GSTM1: variants seen among roughly 807,000 people sequenced by gnomAD.
The protein encoded by GSTM1 is GST HB subunit 4.
Under a neutral mutation model 17.3 loss-of-function variants are expected in GSTM1, and 6 were observed. The ratio of observed to expected loss-of-function variants is 0.35; its 90% CI spans 0.19 to 0.68. The LOEUF (loss-of-function observed/expected upper bound fraction) is 0.68. GSTM1 is among the 30% of genes least tolerant of loss of function. GSTM1 has a pLI of 0.65. For missense variants in GSTM1, 62 were observed against 155.9 expected (o/e 0.40, Z 3.21); for synonymous variants, 20 against 53.6 (o/e 0.37, Z 2.74).
rs1648111204 is a variant in GSTM1, at chr1:109,692,074, T to G, written c.568-1132T>G. Among the ~76,000 whole-genome samples the G allele has an allele frequency of 5.8e-5, 4 of 68,892 alleles. 2 individuals carry two copies. In the South Asian group the frequency reaches 1.9e-3, roughly 32 times the overall value. The allele number at this position is 68,892 out of a possible 152,430, so 45.2% of individuals were successfully genotyped here. On this transcript the variant is annotated intron_variant, in intron 7 of 7. Coordinates refer to ENST00000309851, the MANE Select transcript of GSTM1 (RefSeq NM_000561.4). Reference sequence around the variant, plus strand: ...GTCCTGGATCTTTTTTTTTTTTTTTTTTTTGAGATCGTGTCTTGCTGTTGC... The same window carrying G: ...GTCCTGGATCTTTTTTTTTTTTTTTGTTTTGAGATCGTGTCTTGCTGTTGC...
chr1:109,690,546 CT>C lies in GSTM1; in HGVS notation c.551del (p.Phe184SerfsTer15). The C allele has an allele frequency of 9.8e-7, 1 of 1,019,966 alleles. No individual in the cohort carries two copies. The highest frequency in any genetic ancestry group is 1.4e-6 in the Non-Finnish European group (1 of 739,060). The allele number at this position is 1,019,966 out of a possible 1,614,324, so 63.2% of individuals were successfully genotyped here. A position where few individuals can be genotyped will look rare whatever the true frequency, so the allele number is the denominator to read the frequency against. On this transcript the variant is annotated frameshift_variant, in exon 7 of 8. Coordinates refer to ENST00000309851, the MANE Select transcript of GSTM1 (RefSeq NM_000561.4). LOFTEE classifies it high-confidence loss of function. ...TGGACGCCTTCCCAAATCTGAAGGA[CT>C]TCATCTCCCGCTTTGAGGTGATGCC... ...CLDAFPNLKD[F>X]ISRFEGLEKI...
In GSTM1 at chr1:109,689,026, C is replaced by T. The variant is rs763046321; in HGVS notation, c.178-22C>T. On this transcript the variant is annotated intron_variant, in intron 3 of 7. Transcript: ENST00000309851. ...GGAGCCTGGTGGCCCAACTGAGCTTCGCCGGTTTCCCATCCATCCAGCTGC... is the reference window on the plus strand; with the variant it reads ...GGAGCCTGGTGGCCCAACTGAGCTTTGCCGGTTTCCCATCCATCCAGCTGC... The T allele has an allele frequency of 1.1e-5, 9 of 793,864 alleles. 2 individuals are homozygous for T. The highest frequency in any genetic ancestry group is 9.9e-5 in the East Asian group (2 of 20,150). The allele number at this position is 793,864 out of a possible 1,614,324, so 49.2% of individuals were successfully genotyped here. A position where few individuals can be genotyped will look rare whatever the true frequency, so the allele number is the denominator to read the frequency against.
At position 109,689,663 on chromosome 1, in the gene GSTM1, T is replaced by C. The variant is rs1461118137; in HGVS notation, c.360+338T>C. On this transcript the variant is annotated intron_variant, in intron 5 of 7. Transcript: ENST00000309851. ...ACATCACCTGCCTGCTCCTAGAATA[T>C]GCAGACTCAAGTAGAAGACTCAGGA... 2.6e-5 allele frequency among the ~76,000 whole-genome samples: 2 copies of C among 78,284 alleles called. 1 individual carries two copies. The highest frequency in any genetic ancestry group is 7.3e-5 in the African/African-American group (2 of 27,364). 51.4% of individuals were successfully genotyped at this position (78,284 alleles called of 152,430 possible). A position where few individuals can be genotyped will look rare whatever the true frequency, so the allele number is the denominator to read the frequency against.
intron 5 of GSTM1, among the ~76,000 whole-genome samples, chr1:109,689,852 TGG>T (rs56303120): frequency 0.1 from 8,290 of 79,928 alleles, 3,157 homozygotes; most frequent in African/African-American, 0.13. Flanking sequence ...CTCATCTCCC[TGG>T]AAACTAGTCA....
At position 109,691,565 on chromosome 1, in the gene GSTM1, T is replaced by G. The variant is rs1398156764; in HGVS notation, c.567+1001T>G. Reference sequence around the variant, plus strand: ...CCTCCAGTGTTCCACGTGTTCCCCCTGTGAGATGAGTAGCATGCTGATTTT... The same window carrying G: ...CCTCCAGTGTTCCACGTGTTCCCCCGGTGAGATGAGTAGCATGCTGATTTT... On this transcript the variant is annotated intron_variant, in intron 7 of 7. Transcript: ENST00000309851. Among the ~76,000 whole-genome samples the G allele has an allele frequency of 4.9e-5, 4 of 80,814 alleles. 2 individuals carry two copies. The highest frequency in any genetic ancestry group is 1.4e-4 in the African/African-American group (4 of 28,384). The allele number at this position is 80,814 out of a possible 152,430, so 53.0% of individuals were successfully genotyped here.
rs1648043582 is a variant in GSTM1 at position 109,689,305 on chromosome 1, A to G, written c.340A>G (p.Ile114Val). The change falls in exon 5 of 8, where the codon ATC becomes GTC. Residue 114 changes from isoleucine (I) to valine (V), a missense_variant. Ile to Val is a conservative substitution (Grantham distance 29, BLOSUM62 3). Coordinates refer to ENST00000309851, the MANE Select transcript of GSTM1 (RefSeq NM_000561.4). Reference sequence around the variant, plus strand: ...GGACAACCATATGCAGCTGGGCATGATCTGCTACAATCCAGAATTTGTGAG... The same window carrying G: ...GGACAACCATATGCAGCTGGGCATGGTCTGCTACAATCCAGAATTTGTGAG... ...TMDNHMQLGM[I>V]CYNPEFEKLK... 2.6e-6 allele frequency: 2 copies of G among 781,952 alleles called. 1 individual carries two copies. Among genetic ancestry groups the G allele is most frequent in the Non-Finnish European group, 3.7e-6 (2 of 541,238 alleles). 48.4% of individuals were successfully genotyped at this position (781,952 alleles called of 1,614,324 possible).
chr1:109,690,082 G>A lies in GSTM1; in HGVS notation c.361-189G>A, dbSNP rs1340510857. On this transcript the variant is annotated intron_variant, in intron 5 of 7. Coordinates refer to ENST00000309851, the MANE Select transcript of GSTM1 (RefSeq NM_000561.4). ...TCTGCCTTCTGATCAGTTTAGATAG[G>A]GTCTGGCACTCAGTCAGAGTCTAAT... 2.5e-5 allele frequency among the ~76,000 whole-genome samples: 2 copies of A among 81,332 alleles called. 1 individual carries two copies. The highest frequency in any genetic ancestry group is 7.0e-5 in the African/African-American group (2 of 28,582). The allele number at this position is 81,332 out of a possible 152,430, so 53.4% of individuals were successfully genotyped here. A position where few individuals can be genotyped will look rare whatever the true frequency, so the allele number is the denominator to read the frequency against.
At position 109,690,197 on chromosome 1, in the gene GSTM1, C is replaced by T. The variant is rs1188947924; in HGVS notation, c.361-74C>T. The stretch of plus-strand genomic sequence containing the variant: ...CTTGCCCATGGCCAGCCTGGGCCGT[C>T]CACAGCCCCGGGGAGGCCACGTCTG... On this transcript the variant is annotated intron_variant, in intron 5 of 7. Coordinates refer to ENST00000309851, the MANE Select transcript of GSTM1 (RefSeq NM_000561.4). 94 of 541,340 alleles carry T rather than the reference C, an allele frequency of 1.7e-4. 30 individuals carry two copies. The highest frequency in any genetic ancestry group is 2.6e-4 in the Non-Finnish European group (86 of 324,686). 33.5% of individuals were successfully genotyped at this position (541,340 alleles called of 1,614,324 possible).
At position 109,690,126 on chromosome 1, in the gene GSTM1, T is replaced by C. The variant is rs879522875; in HGVS notation, c.361-145T>C. 30 of 342,494 alleles carry C rather than the reference T, an allele frequency of 8.8e-5. 12 individuals carry two copies. The highest frequency in any genetic ancestry group is 2.7e-4 in the Admixed American group (6 of 22,312). 21.2% of individuals were successfully genotyped at this position (342,494 alleles called of 1,614,324 possible). A position where few individuals can be genotyped will look rare whatever the true frequency, so the allele number is the denominator to read the frequency against. On this transcript the variant is annotated intron_variant, in intron 5 of 7. Coordinates refer to ENST00000309851, the MANE Select transcript of GSTM1 (RefSeq NM_000561.4). Reference sequence around the variant, plus strand: ...GTCTAATAAATGCTGATGTATCCAATTGAAGCCTGGGCACTGCCCCAGTTC... The same window carrying C: ...GTCTAATAAATGCTGATGTATCCAACTGAAGCCTGGGCACTGCCCCAGTTC...
Position 109,688,883 on chromosome 1 carries a change from G to A in GSTM1, c.177+146G>A. The A allele has an allele frequency of 1.2e-5, 6 of 491,706 alleles. 2 individuals carry two copies. The highest frequency in any genetic ancestry group is 2.1e-5 in the Non-Finnish European group (6 of 281,982). 30.5% of individuals were successfully genotyped at this position (491,706 alleles called of 1,614,324 possible). ...GCTGTCTAAACAGTCCTTCCATGAT[G>A]TTCTGTGTCCACCTGCATTCGTTCA... On this transcript the variant is annotated intron_variant, in intron 3 of 7. Transcript: ENST00000309851.
intron 7 of GSTM1, among the ~76,000 whole-genome samples, chr1:109,692,137 C>T (rs1648113208): frequency 1.4e-5 from 1 of 70,348 alleles, no homozygotes; most frequent in Admixed American, 1.6e-4. Flanking sequence ...CGGCTTACTG[C>T]AACCTCTGCC....
chr1:109,688,134 C>A, intron 1 of GSTM1, 36 bp from the exon 2 acceptor site: 1 of 797,492 alleles, frequency 1.3e-6, no homozygotes, highest in Non-Finnish European at 1.8e-6. Flanking sequence ...CAGGGACCCT[C>A]CATCTCTGAC....
Position 109,688,383 on chromosome 1 carries a change from G to T in GSTM1, c.112+138G>T, listed in dbSNP as rs372210460. The stretch of plus-strand genomic sequence containing the variant: ...CTGTCTCTTCCCTGAGCCCCGGTGA[G>T]GGAGCCCTCTGGCCTTGCAAGGCAG... On this transcript the variant is annotated intron_variant, in intron 2 of 7. Transcript: ENST00000309851. 9.8e-6 allele frequency: 5 copies of T among 511,122 alleles called. 2 individuals are homozygous for T. The highest frequency in any genetic ancestry group is 1.1e-4 in the East Asian group (2 of 17,822). 31.7% of individuals were successfully genotyped at this position (511,122 alleles called of 1,614,324 possible). A position where few individuals can be genotyped will look rare whatever the true frequency, so the allele number is the denominator to read the frequency against.
intron 7 of GSTM1, 96 bp downstream of exon 7, chr1:109,690,660 G>T: frequency 1.3e-6 from 1 of 775,344 alleles, no homozygotes; most frequent in South Asian, 1.9e-5. Context: ...AGAATAACTC[G>T]CATGTATTGA....
chr1:109,688,680 T>C lies in GSTM1; in HGVS notation c.120T>C (p.Asp40=), dbSNP rs72549311. 1.0e-4 allele frequency: 80 copies of C among 794,330 alleles called. 28 individuals carry two copies. Among genetic ancestry groups the C allele is most frequent in the South Asian group, 8.3e-4 (45 of 54,474 alleles). The allele number at this position is 794,330 out of a possible 1,614,324, so 49.2% of individuals were successfully genotyped here. A position where few individuals can be genotyped will look rare whatever the true frequency, so the allele number is the denominator to read the frequency against. ...TCTTCTTCCCCACCACAGCTCCTGA[T>C]TATGACAGAAGCCAGTGGCTGAATG... The part of the protein sequence containing the change: ...EKKYTMGDAP[D]YDRSQWLNEK... The change falls in exon 3 of 8, where the codon GAT becomes GAC. Residue 40 remains aspartate, a synonymous_variant. Coordinates refer to ENST00000309851, the MANE Select transcript of GSTM1 (RefSeq NM_000561.4).
rs1182594405 is a variant in GSTM1, at chr1:109,691,714, G to A, written c.567+1150G>A. Reference sequence around the variant, plus strand: ...GGCTGCAGGCAGAGCAGCCTGTGAGGTGTGTGTGGCACCACCTGGGTACCA... The same window carrying A: ...GGCTGCAGGCAGAGCAGCCTGTGAGATGTGTGTGGCACCACCTGGGTACCA... On this transcript the variant is annotated intron_variant, in intron 7 of 7. Transcript: ENST00000309851. 2.4e-5 allele frequency among the ~76,000 whole-genome samples: 2 copies of A among 82,406 alleles called. 1 individual carries two copies. Among genetic ancestry groups the A allele is most frequent in the Admixed American group, 2.6e-4 (2 of 7,806 alleles). 54.1% of individuals were successfully genotyped at this position (82,406 alleles called of 152,430 possible).
rs552575343 is a variant in GSTM1, at chr1:109,690,585, T to G, written c.567+21T>G. The G allele has an allele frequency of 8.9e-5, 82 of 921,680 alleles. 24 individuals carry two copies. In the South Asian group the frequency reaches 1.2e-3, roughly 14 times the overall value. 57.1% of individuals were successfully genotyped at this position (921,680 alleles called of 1,614,324 possible). A position where few individuals can be genotyped will look rare whatever the true frequency, so the allele number is the denominator to read the frequency against. Reference sequence around the variant, plus strand: ...TTGAGGTGATGCCCCCATCCTCCTTTCTCTTTGATGCCCCTTGTTCCGTTA... The same window carrying G: ...TTGAGGTGATGCCCCCATCCTCCTTGCTCTTTGATGCCCCTTGTTCCGTTA... On this transcript the variant is annotated intron_variant, in intron 7 of 7. Transcript: ENST00000309851.
intron 7 of GSTM1, among the ~76,000 whole-genome samples, chr1:109,690,844 G>T (rs1335150726): frequency 1.2e-5 from 1 of 81,892 alleles, no homozygotes; most frequent in African/African-American, 3.5e-5. Flanking sequence ...TGGAGGCTGT[G>T]CTGGGCTCCC....
In GSTM1 at chr1:109,687,970, T is replaced by C; in HGVS notation, c.36+61T>C. The C allele has an allele frequency of 2.8e-6, 2 of 719,932 alleles. 1 individual carries two copies. Among genetic ancestry groups the C allele is most frequent in the South Asian group, 3.8e-5 (2 of 52,970 alleles). 44.6% of individuals were successfully genotyped at this position (719,932 alleles called of 1,614,324 possible). A position where few individuals can be genotyped will look rare whatever the true frequency, so the allele number is the denominator to read the frequency against. ...GCAGGGGAGGGAAGTGCGAAGCAGC[T>C]GCGGGACGGACTCTAGGGACCGTTC... On this transcript the variant is annotated intron_variant, in intron 1 of 7. Transcript: ENST00000309851.
Sources: gnomAD v4.1 joint callset for allele counts (sites outside exome capture counted in the v4.1 genomes callset) on GRCh38, gnomAD v4.1.1 for gene constraint, MANE v1.5 for transcripts, NCBI Gene and HGNC (gene_info 2026-07-23, HGNC 2026-07-21) for gene names.